The following SLC4A4 variants were observed in gnomAD, a reference collection of about 807,000 sequenced individuals.
SLC4A4 encodes the protein electrogenic sodium bicarbonate cotransporter 1.
Under a neutral mutation model 111.5 loss-of-function variants are expected in SLC4A4, and 27 were observed. The ratio of observed to expected loss-of-function variants is 0.24; its 90% CI spans 0.18 to 0.33. SLC4A4 has a LOEUF of 0.33. SLC4A4 is among the 10% of genes least tolerant of loss of function. The pLI, the probability that SLC4A4 is intolerant of heterozygous loss-of-function variation, is 1.00. For synonymous variants in SLC4A4, 443 were observed against 463.4 expected (o/e 0.96, Z 0.57); for missense variants, 909 against 1,315.5 (o/e 0.69, Z 4.78).
intron 16 of SLC4A4, among the ~76,000 whole-genome samples, chr4:71,520,381 C>T (rs766359602): frequency 3.6e-4 from 55 of 152,170 alleles, no homozygotes; most frequent in Non-Finnish European, 6.3e-4. Flanking sequence ...AGCACAAGGT[C>T]GGATACAGAC....
At chr4:71,172,568 T>C (rs867630722) in intron 2 of SLC4A4, among the ~76,000 whole-genome samples, 1 of 152,258 alleles carries the variant, frequency 6.6e-6, no homozygotes, top group Non-Finnish European at 1.5e-5. Context: ...ACAGATATTT[T>C]CTGACAAATG....
At chr4:71,445,724 T>G (rs1332817309) in intron 8 of SLC4A4, among the ~76,000 whole-genome samples, 2 of 152,186 alleles carry the variant, frequency 1.3e-5, no homozygotes, top group Non-Finnish European at 2.9e-5. Flanking sequence ...GTACTTATGT[T>G]TCTCAATGGG....
At chr4:71,561,944 C>A (rs1004796739) in intron 23 of SLC4A4, among the ~76,000 whole-genome samples, 2 of 151,572 alleles carry the variant, frequency 1.3e-5, no homozygotes, top group Non-Finnish European at 3.0e-5. Flanking sequence ...TTATGGAATC[C>A]CCCTCTGTAA....
intron 3 of SLC4A4, among the ~76,000 whole-genome samples, chr4:71,291,009 C>T (rs1250219692): frequency 1.3e-5 from 2 of 152,112 alleles, no homozygotes; most frequent in African/African-American, 2.4e-5. Context: ...AGTGGAGGCA[C>T]CAAAGAATTT....
At chr4:71,526,473 T>G (rs1242515604) in intron 16 of SLC4A4, among the ~76,000 whole-genome samples, 1 of 152,136 alleles carries the variant, frequency 6.6e-6, no homozygotes, top group Non-Finnish European at 1.5e-5. Flanking sequence ...TGTATTAACA[T>G]GAGTGTTTTT....
chr4:71,282,574 G>A (rs1215531895), intron 3 of SLC4A4, among the ~76,000 whole-genome samples: 2 of 150,236 alleles, frequency 1.3e-5, no homozygotes, highest in African/African-American at 4.9e-5. Context: ...CATGAGCCAC[G>A]GCACCCAGCT....
At chr4:71,134,790 T>C (rs973963163) in intron 2 of SLC4A4, among the ~76,000 whole-genome samples, 1 of 152,200 alleles carries the variant, frequency 6.6e-6, no homozygotes, top group Non-Finnish European at 1.5e-5. Context: ...GCTGAGTCTG[T>C]TACTGTGGAC....
At chr4:71,181,172 A>G (rs1370815916) in intron 2 of SLC4A4, among the ~76,000 whole-genome samples, 3 of 138,340 alleles carry the variant, frequency 2.2e-5, no homozygotes, top group Non-Finnish European at 4.6e-5. Context: ...CAATGAGAAC[A>G]CATGGACACA....
chr4:71,492,636 T>G (rs1007421854), intron 15 of SLC4A4, among the ~76,000 whole-genome samples: 4 of 151,994 alleles, frequency 2.6e-5, no homozygotes, highest in Non-Finnish European at 4.4e-5. Flanking sequence ...TGTTCCCATA[T>G]CAGCATCTTT....
chr4:71,371,713 AC>A (rs1731902985), intron 6 of SLC4A4, among the ~76,000 whole-genome samples: 2 of 152,260 alleles, frequency 1.3e-5, no homozygotes, highest in African/African-American at 4.8e-5. Context: ...ATATTGTCTT[AC>A]GTTGTTCTCT....
At chr4:71,367,296 T>C (rs1369244120) in intron 6 of SLC4A4, among the ~76,000 whole-genome samples, 1 of 152,200 alleles carries the variant, frequency 6.6e-6, no homozygotes, top group Non-Finnish European at 1.5e-5. Context: ...ACATACACAT[T>C]AGAAGCTAAA....
rs569856141 is a variant in SLC4A4, at chr4:71,175,900, C to T, written c.-1-60676C>T. On this transcript the variant is annotated intron_variant, in intron 2 of 26. Transcript: ENST00000649996. ...GCCTCCTCAAGTGGGTCCCTGCCCCCGAGTAACCTAACTGGGAGGCACCCC... is the reference window on the plus strand; with the variant it reads ...GCCTCCTCAAGTGGGTCCCTGCCCCTGAGTAACCTAACTGGGAGGCACCCC... 6.5e-4 allele frequency among the ~76,000 whole-genome samples: 99 copies of T among 152,278 alleles called. 1 individual carries two copies. In the South Asian group the frequency reaches 0.019, roughly 30 times the overall value.
chr4:71,452,232 T>C (rs1432639577), intron 11 of SLC4A4, among the ~76,000 whole-genome samples: 1 of 152,196 alleles, frequency 6.6e-6, no homozygotes, highest in Non-Finnish European at 1.5e-5. Context: ...CTCTGTCCTT[T>C]ATTCTGAAAG....
chr4:71,295,803 C>T (rs1031542752), intron 3 of SLC4A4, among the ~76,000 whole-genome samples: 6 of 151,984 alleles, frequency 3.9e-5, no homozygotes, highest in East Asian at 1.9e-4. Context: ...GGATTATAGA[C>T]GCACACCACC....
At chr4:71,415,266 T>C (rs1418394345) in intron 7 of SLC4A4, among the ~76,000 whole-genome samples, 2 of 152,234 alleles carry the variant, frequency 1.3e-5, no homozygotes, top group East Asian at 3.8e-4. Flanking sequence ...TATATCTGAA[T>C]TAAATGTGGT....
intron 2 of SLC4A4, among the ~76,000 whole-genome samples, chr4:71,103,753 C>G (rs1742830827): frequency 6.6e-6 from 1 of 152,106 alleles, no homozygotes; most frequent in Admixed American, 6.5e-5. Context: ...ACCAGAATCT[C>G]TGGGATGCAT....
intron 2 of SLC4A4, among the ~76,000 whole-genome samples, chr4:71,102,423 C>A (rs1224653965): frequency 6.6e-6 from 1 of 151,130 alleles, no homozygotes; most frequent in African/African-American, 2.4e-5. Flanking sequence ...ACAGAGAACG[C>A]CACAAACATA....
chr4:71,534,319 C>A lies in SLC4A4; in HGVS notation c.2373C>A (p.Val791=). The change falls in exon 18 of 26, where the codon GTC becomes GTA. Residue 791 remains valine (V), a synonymous_variant. Coordinates refer to ENST00000264485, the MANE Select transcript of SLC4A4 (RefSeq NM_001098484.3). ...CTGCTGCTATCCCGGCTTTGTTGGTCACTATACTGATTTTCATGGACCAAC... is the reference window on the plus strand; with the variant it reads ...CTGCTGCTATCCCGGCTTTGTTGGTAACTATACTGATTTTCATGGACCAAC... ...CLAAAIPALL[V]TILIFMDQQI... 1 of 1,613,586 alleles carries A rather than the reference C, an allele frequency of 6.2e-7. No homozygotes were observed. The highest frequency in any genetic ancestry group is 8.5e-7 in the Non-Finnish European group (1 of 1,179,720).
chr4:71,290,115 A>G (rs998184355), intron 3 of SLC4A4, among the ~76,000 whole-genome samples: 1 of 152,188 alleles, frequency 6.6e-6, no homozygotes, highest in Non-Finnish European at 1.5e-5. Flanking sequence ...TTGAGATACT[A>G]CTTTTCAGAT....
Sources: allele counts gnomAD v4.1 joint callset (sites outside exome capture counted in the v4.1 genomes callset), GRCh38; gene constraint gnomAD v4.1.1; transcripts MANE v1.5; gene names NCBI Gene and HGNC (gene_info 2026-07-23, HGNC 2026-07-21).